CPPED1: variants seen among roughly 807,000 people sequenced by gnomAD.
The protein encoded by CPPED1 is serine/threonine-protein phosphatase CPPED1.
In CPPED1, 28 loss-of-function variants were observed where a neutral mutation model predicts 28.0. The ratio of observed to expected loss-of-function variants is 1.00; its 90% CI spans 0.74 to 1.37. The LOEUF (loss-of-function observed/expected upper bound fraction) is 1.37. CPPED1 is among the 40% of genes most tolerant of loss of function. The pLI is 0.00. For synonymous variants in CPPED1, 198 were observed against 180.2 expected (o/e 1.10, Z -0.79); for missense variants, 504 against 416.5 (o/e 1.21, Z -1.83).
intron 2 of CPPED1, among the ~76,000 whole-genome samples, chr16:12,774,628 T>C (rs57620954): frequency 0.044 from 6,760 of 152,302 alleles, 485 homozygotes; most frequent in African/African-American, 0.15. Context: ...TAAATATTTG[T>C]GTCCTCCAAA....
chr16:12,794,899 C>G (rs1464790742), intron 1 of CPPED1, among the ~76,000 whole-genome samples: 2 of 152,216 alleles, frequency 1.3e-5, no homozygotes, highest in African/African-American at 2.4e-5. Context: ...CTTCAGAGAA[C>G]TAAGAAAGCA....
intron 2 of CPPED1, among the ~76,000 whole-genome samples, chr16:12,712,234 A>G (rs1291959011): frequency 6.6e-6 from 1 of 152,146 alleles, no homozygotes; most frequent in Non-Finnish European, 1.5e-5. Flanking sequence ...CAGCCCTAAG[A>G]GGTCCCTGGA....
At chr16:12,757,154 C>T (rs1038645664) in intron 2 of CPPED1, among the ~76,000 whole-genome samples, 9 of 151,760 alleles carry the variant, frequency 5.9e-5, no homozygotes, top group African/African-American at 1.5e-4. Context: ...TATAGCACCT[C>T]GAGGGTGACC....
chr16:12,794,484 G>C (rs1567308512), intron 1 of CPPED1, among the ~76,000 whole-genome samples: 1 of 121,144 alleles, frequency 8.3e-6, no homozygotes, highest in Non-Finnish European at 1.6e-5. Context: ...AATTAACTGT[G>C]ACAGCAATAT....
At chr16:12,716,863 C>T (rs552677733) in intron 2 of CPPED1, among the ~76,000 whole-genome samples, 11 of 152,292 alleles carry the variant, frequency 7.2e-5, no homozygotes, top group African/African-American at 2.4e-4. Flanking sequence ...GACATGGGAA[C>T]AGGCAATGAC....
Position 12,664,481 on chromosome 16 carries a change from G to C in CPPED1, c.*405C>G. Reference sequence around the variant, plus strand: ...CGTGACCACAATTTAATACAATCAGGTGTAGTTTGTTTAAGGAATTATCAA... The same window carrying C: ...CGTGACCACAATTTAATACAATCAGCTGTAGTTTGTTTAAGGAATTATCAA... On this transcript the variant is annotated 3_prime_UTR_variant, in exon 4 of 4. Coordinates refer to ENST00000381774, the MANE Select transcript of CPPED1 (RefSeq NM_018340.3). This position sits in a 1 kb window ranked among gnomAD's most constrained non-coding sequence, Gnocchi z 4.2. 4.8e-6 allele frequency: 5 copies of C among 1,044,178 alleles called. No individual in the cohort carries two copies. The highest frequency in any genetic ancestry group is 5.8e-6 in the Non-Finnish European group (5 of 867,938). The allele number at this position is 1,044,178 out of a possible 1,614,324, so 64.7% of individuals were successfully genotyped here. A position where few individuals can be genotyped will look rare whatever the true frequency, so the allele number is the denominator to read the frequency against.
intron 2 of CPPED1, among the ~76,000 whole-genome samples, chr16:12,717,580 G>A (rs2080114081): frequency 1.3e-5 from 2 of 151,174 alleles, no homozygotes; most frequent in African/African-American, 4.9e-5. Flanking sequence ...ATTTTTTAGT[G>A]TAACTATATT....
chr16:12,781,827 T>C (rs1411087999), intron 1 of CPPED1, among the ~76,000 whole-genome samples: 2 of 152,216 alleles, frequency 1.3e-5, no homozygotes, highest in Non-Finnish European at 2.9e-5. Flanking sequence ...ACATCTTTTC[T>C]GTGAGGCTTC....
At chr16:12,758,983 C>T (rs994950190) in intron 2 of CPPED1, among the ~76,000 whole-genome samples, 7 of 151,566 alleles carry the variant, frequency 4.6e-5, no homozygotes, top group African/African-American at 1.7e-4. Context: ...GGCAACACGG[C>T]AAGACCCCAT....
intron 1 of CPPED1, among the ~76,000 whole-genome samples, chr16:12,800,100 G>C (rs760436106): frequency 6.6e-6 from 1 of 151,698 alleles, no homozygotes; most frequent in African/African-American, 2.4e-5. Context: ...TCCACTGAAA[G>C]ACACCCCGTG....
intron 3 of CPPED1, among the ~76,000 whole-genome samples, chr16:12,681,987 T>C (rs187246472): frequency 2.0e-5 from 3 of 152,108 alleles, no homozygotes; most frequent in East Asian, 3.9e-4. Flanking sequence ...CACTTCCCTA[T>C]CCTGGACTCG....
intron 1 of CPPED1, among the ~76,000 whole-genome samples, chr16:12,782,186 C>T (rs1307982749): frequency 2.6e-5 from 4 of 152,210 alleles, no homozygotes; most frequent in East Asian, 1.9e-4. Flanking sequence ...CCAGAACTGC[C>T]GCGCCAGTGC....
intron 2 of CPPED1, among the ~76,000 whole-genome samples, chr16:12,720,093 C>T (rs938764022): frequency 1.3e-5 from 2 of 152,296 alleles, no homozygotes; most frequent in Admixed American, 1.3e-4. Flanking sequence ...TCATATAGTT[C>T]TGGACAGGCC....
At chr16:12,694,808 G>C (rs893665856) in intron 3 of CPPED1, among the ~76,000 whole-genome samples, 1 of 143,082 alleles carries the variant, frequency 7.0e-6, no homozygotes, top group Admixed American at 7.2e-5. Context: ...ATGGAGTTTT[G>C]CTCTCGTTAC....
intron 1 of CPPED1, among the ~76,000 whole-genome samples, chr16:12,800,035 C>T (rs2080649832): frequency 6.6e-6 from 1 of 152,126 alleles, no homozygotes; most frequent in Non-Finnish European, 1.5e-5. Context: ...CAGTGGTGGC[C>T]CCCTGGCAGC....
chr16:12,785,865 G>A (rs1340939203), intron 1 of CPPED1, among the ~76,000 whole-genome samples: 4 of 151,830 alleles, frequency 2.6e-5, no homozygotes, highest in African/African-American at 9.7e-5. Context: ...AGCAACTTGA[G>A]CCATGGAAGT....
rs2079863945 is a variant in CPPED1, at chr16:12,673,692, C to T, written c.716-8577G>A. ...ACCAATTATTGTTAACGTCCGAAGTCACAGAAAATGTGACCAAACGAGGAT... is the reference window on the plus strand; with the variant it reads ...ACCAATTATTGTTAACGTCCGAAGTTACAGAAAATGTGACCAAACGAGGAT... On this transcript the variant is annotated intron_variant, in intron 3 of 3. Coordinates refer to ENST00000381774, the MANE Select transcript of CPPED1 (RefSeq NM_018340.3). Among the ~76,000 whole-genome samples the T allele has an allele frequency of 5.3e-5, 8 of 152,254 alleles. No homozygotes were observed. The South Asian group carries it at 1.7e-3, about 32-fold the overall frequency.
rs1163276095 is a variant in CPPED1 at position 12,670,353 on chromosome 16, A to G, written c.716-5238T>C. On this transcript the variant is annotated intron_variant, in intron 3 of 3. Transcript: ENST00000381774. This position sits in a 1 kb window ranked among gnomAD's most constrained non-coding sequence, Gnocchi z 4.2. ...ATAATAAACTACTGAATAAATAAAT[A>G]AATGGTAGGGGGAGAAACATCTCCT... 6.6e-6 allele frequency among the ~76,000 whole-genome samples: 1 copy of G among 152,174 alleles called. No individual in the cohort carries two copies. The highest frequency in any genetic ancestry group is 2.4e-5 in the African/African-American group (1 of 41,442).
intron 1 of CPPED1, among the ~76,000 whole-genome samples, chr16:12,798,503 T>G (rs2080640277): frequency 6.6e-6 from 1 of 152,174 alleles, no homozygotes; most frequent in Non-Finnish European, 1.5e-5. Context: ...GAGTGAGTTA[T>G]TTTTTTACTG....
Sources: allele counts gnomAD v4.1 joint callset (sites outside exome capture counted in the v4.1 genomes callset), GRCh38; gene constraint gnomAD v4.1.1; non-coding constraint Gnocchi (gnomAD v3.1); transcripts MANE v1.5; gene names NCBI Gene and HGNC (gene_info 2026-07-23, HGNC 2026-07-21).